The following SLC10A7 variants were observed in gnomAD, a reference collection of about 807,000 sequenced individuals.
SLC10A7 encodes the protein solute carrier family 10 member 7.
SLC10A7 carries 29 observed loss-of-function variants against 43.2 expected under a neutral mutation model. The observed-to-expected ratio is 0.67, with a 90% confidence interval of 0.50 to 0.92. The LOEUF (loss-of-function observed/expected upper bound fraction) is 0.92, where lower values mean the gene tolerates loss of function less well. Among genes scored for constraint, SLC10A7 ranks in the 40% least tolerant of loss-of-function variants. The probability of loss-of-function intolerance (pLI) is 0.00; values close to 1 mark genes in which losing one functional copy is unlikely to be tolerated. For synonymous variants in SLC10A7, 152 were observed against 144.8 expected (o/e 1.05, Z -0.35); for missense variants, 295 against 403.2 (o/e 0.73, Z 2.30).
At chr4:146,381,432 T>G (rs1737616122) in intron 5 of SLC10A7, among the ~76,000 whole-genome samples, 1 of 152,000 alleles carries the variant, frequency 6.6e-6, no homozygotes, top group South Asian at 2.1e-4. Flanking sequence ...ATCACTCATT[T>G]CCCCTTTCAA....
At chr4:146,364,892 C>T (rs1736289107) in intron 5 of SLC10A7, among the ~76,000 whole-genome samples, 1 of 152,008 alleles carries the variant, frequency 6.6e-6, no homozygotes. Flanking sequence ...ATATGTACCC[C>T]ATAAATATAT....
intron 7 of SLC10A7, among the ~76,000 whole-genome samples, chr4:146,299,989 G>C (rs1297097176): frequency 6.6e-6 from 1 of 152,166 alleles, no homozygotes; most frequent in Non-Finnish European, 1.5e-5. Context: ...GCATGGAGTA[G>C]GCAGAGTTGG....
At chr4:146,445,292 C>T (rs904910174) in intron 4 of SLC10A7, among the ~76,000 whole-genome samples, 5 of 152,114 alleles carry the variant, frequency 3.3e-5, no homozygotes, top group Non-Finnish European at 5.9e-5. Context: ...TTATGGGACT[C>T]GCGAAGGGGT....
intron 5 of SLC10A7, among the ~76,000 whole-genome samples, chr4:146,332,299 T>C (rs182995047): frequency 1.3e-3 from 191 of 152,298 alleles, no homozygotes; most frequent in African/African-American, 4.4e-3. Context: ...ACTGACATTG[T>C]CCAGTTAATT....
intron 5 of SLC10A7, among the ~76,000 whole-genome samples, chr4:146,426,747 C>T (rs1001395149): frequency 3.9e-5 from 6 of 151,948 alleles, no homozygotes; most frequent in Admixed American, 2.0e-4. Context: ...TGGTGGTATG[C>T]GCCTGTAACC....
At chr4:146,434,089 AAATC>A (rs1730007216) in intron 5 of SLC10A7, among the ~76,000 whole-genome samples, 1 of 152,156 alleles carries the variant, frequency 6.6e-6, no homozygotes, top group Non-Finnish European at 1.5e-5. Flanking sequence ...ATATAAAACA[AAATC>A]AAGTTATCAG....
rs1727877113 is a variant in SLC10A7, at chr4:146,256,204, A to C, written c.*287T>G. 6.6e-6 allele frequency: 3 copies of C among 452,824 alleles called. No individual in the cohort carries two copies. The highest frequency in any genetic ancestry group is 6.0e-5 in the African/African-American group (3 of 49,996). 28.1% of individuals were successfully genotyped at this position (452,824 alleles called of 1,614,324 possible). A position where few individuals can be genotyped will look rare whatever the true frequency, so the allele number is the denominator to read the frequency against. On this transcript the variant is annotated 3_prime_UTR_variant, in exon 12 of 12. Transcript: ENST00000335472. ...GGGTTGTATTGCACAAAGGTGCTGC[A>C]GGGAAAGCATGTTTGCTTTTTGTCA...
chr4:146,286,245 A>ACTGAGT (rs1729926216), intron 9 of SLC10A7, among the ~76,000 whole-genome samples: 2 of 92,520 alleles, frequency 2.2e-5, no homozygotes, highest in Admixed American at 1.1e-4. Context: ...GGTGAGAAGG[A>ACTGAGT]TCATGTTTGG....
chr4:146,450,358 T>C (rs1203081093), intron 4 of SLC10A7, among the ~76,000 whole-genome samples: 1 of 152,206 alleles, frequency 6.6e-6, no homozygotes, highest in Non-Finnish European at 1.5e-5. Flanking sequence ...CAGGAAGATG[T>C]GCATTTATAT....
intron 5 of SLC10A7, among the ~76,000 whole-genome samples, chr4:146,388,811 A>T (rs566943823): frequency 1.3e-3 from 190 of 151,846 alleles, no homozygotes; most frequent in African/African-American, 4.4e-3. Flanking sequence ...GGAAAGAAAA[A>T]CTCTTCTGGA....
chr4:146,402,508 G>A (rs748964345), intron 5 of SLC10A7, among the ~76,000 whole-genome samples: 11 of 151,900 alleles, frequency 7.2e-5, no homozygotes, highest in Non-Finnish European at 1.6e-4. Context: ...CAACACACCC[G>A]CTTGGTCCTA....
At chr4:146,499,766 C>T (rs1454067484) in intron 4 of SLC10A7, among the ~76,000 whole-genome samples, 1 of 152,086 alleles carries the variant, frequency 6.6e-6, no homozygotes, top group East Asian at 1.9e-4. Context: ...AAGAAATAGA[C>T]TAACACTTTT....
intron 10 of SLC10A7, 113 bp from the exon 11 acceptor site, chr4:146,258,950 G>T: frequency 8.5e-7 from 1 of 1,172,908 alleles, no homozygotes; most frequent in Non-Finnish European, 1.2e-6. Flanking sequence ...ATTTTCTCAT[G>T]TTTATTCACA....
chr4:146,433,525 T>G (rs573972268), intron 5 of SLC10A7, among the ~76,000 whole-genome samples: 5 of 152,120 alleles, frequency 3.3e-5, no homozygotes, highest in African/African-American at 1.2e-4. Context: ...ATACCCAGAA[T>G]TGATGAGGAC....
At chr4:146,418,460 A>G (rs1177375413) in intron 5 of SLC10A7, among the ~76,000 whole-genome samples, 1 of 152,200 alleles carries the variant, frequency 6.6e-6, no homozygotes, top group East Asian at 1.9e-4. Context: ...CATGCATCCA[A>G]AAGAATAATA....
intron 5 of SLC10A7, among the ~76,000 whole-genome samples, chr4:146,342,935 T>G (rs1734367346): frequency 6.6e-6 from 1 of 151,794 alleles, no homozygotes; most frequent in Admixed American, 6.6e-5. Context: ...AGTAATATAA[T>G]GAAAAAGCAA....
At chr4:146,337,680 C>G (rs996712811) in intron 5 of SLC10A7, among the ~76,000 whole-genome samples, 2 of 151,536 alleles carry the variant, frequency 1.3e-5, no homozygotes, top group Non-Finnish European at 1.5e-5. Flanking sequence ...ATTGATTATC[C>G]TAATTTTATA....
intron 2 of SLC10A7, among the ~76,000 whole-genome samples, chr4:146,513,747 GCATACAACC>G (rs1737692645): frequency 6.6e-6 from 1 of 152,054 alleles, no homozygotes; most frequent in Non-Finnish European, 1.5e-5. Flanking sequence ...CATATCTTCT[GCATACAACC>G]ATAAAGATAA....
intron 5 of SLC10A7, among the ~76,000 whole-genome samples, chr4:146,376,584 G>A (rs1349080571): frequency 1.3e-5 from 2 of 152,092 alleles, no homozygotes; most frequent in Non-Finnish European, 2.9e-5. Context: ...AACTCCAGGG[G>A]AAGACTAACT....
Sources: allele counts gnomAD v4.1 joint callset (sites outside exome capture counted in the v4.1 genomes callset), GRCh38; gene constraint gnomAD v4.1.1; transcripts MANE v1.5; gene names NCBI Gene and HGNC (gene_info 2026-07-23, HGNC 2026-07-21).